Variants in MYO19 observed in about 807,000 individuals in gnomAD.
MYO19 encodes the protein unconventional myosin-XIX.
MYO19 carries 132 observed loss-of-function variants against 129.2 expected under a neutral mutation model. That is an observed-to-expected ratio of 1.02 (90% CI 0.89 to 1.18). The LOEUF is 1.18. MYO19 is among the 50% of genes most tolerant of loss of function. The probability of loss-of-function intolerance (pLI) is 0.00; values close to 1 mark genes in which losing one functional copy is unlikely to be tolerated. For missense variants in MYO19, 1,210 were observed against 1,216.7 expected (o/e 0.99, Z 0.08); for synonymous variants, 531 against 477.2 (o/e 1.11, Z -1.47).
intron 6 of MYO19, among the ~76,000 whole-genome samples, chr17:36,520,582 CCT>C (rs920327888): frequency 5.9e-5 from 9 of 152,112 alleles, no homozygotes; most frequent in African/African-American, 1.4e-4. Context: ...ACCTCTGCCA[CCT>C]CTGAGACAGC....
At chr17:36,530,447 G>A (rs2073761208) in intron 3 of MYO19, among the ~76,000 whole-genome samples, 1 of 145,060 alleles carries the variant, frequency 6.9e-6, no homozygotes, top group African/African-American at 2.5e-5. Context: ...TCTTCTAAAA[G>A]TGGCTTTTTT....
intron 10 of MYO19, 55 bp from the exon 11 acceptor site, chr17:36,513,560 G>A (rs542939950): frequency 6.2e-7 from 1 of 1,613,730 alleles, no homozygotes; most frequent in East Asian, 2.2e-5. Context: ...ATGCGAGGGA[G>A]GCAGGCTCTG....
At chr17:36,508,925 C>A in intron 14 of MYO19, 137 bp downstream of exon 14, 2 of 709,772 alleles carry the variant, frequency 2.8e-6, no homozygotes, top group Non-Finnish European at 2.5e-6. Context: ...TCTATGCTGG[C>A]AGGCAGATGC....
In MYO19 at chr17:36,498,557, G is replaced by C. The variant is rs1227027302; in HGVS notation, c.2466C>G (p.Ile822Met). 6.2e-7 allele frequency: 1 copy of C among 1,606,438 alleles called. No homozygotes were observed. The change falls in exon 25 of 26, where the codon ATC (isoleucine) becomes ATG (methionine). Residue 822 changes from isoleucine to methionine, a missense_variant and splice_region_variant. Physicochemically the swap from Ile to Met is conservative, Grantham distance 10. Transcript: ENST00000614623. The part of the protein sequence containing the change: ...VIKRAWQKWR[I>M]RMACLAAKEL... ...CTTTAGCAGCAAGGCAGGCCATTCT[G>C]ATCTTAAAAAGCAAATATCCCTTTA...
At position 36,503,996 on chromosome 17, in the gene MYO19, C is replaced by T; in HGVS notation, c.1930G>A (p.Gly644Ser). 6.3e-7 allele frequency: 1 copy of T among 1,583,354 alleles called. No individual in the cohort carries two copies. Among genetic ancestry groups the T allele is most frequent in the Non-Finnish European group, 8.6e-7 (1 of 1,166,798 alleles). ...CTGATATGGATGGTCTCCACGAGGC[C>T]ACAGGCCTCCAGCTGGCTCAGGACC... ...EEVLSQLEAC[G>S]LVETIHISAA... Residue 644 changes from glycine (G) to serine (S), a missense_variant, in exon 20 of 26, where the codon GGC becomes AGC. By Grantham distance (56) the Gly-to-Ser change is moderately conservative. Coordinates refer to ENST00000614623, the MANE Select transcript of MYO19 (RefSeq NM_001163735.2).
At chr17:36,526,619 G>A (rs1036648851) in intron 5 of MYO19, among the ~76,000 whole-genome samples, 1 of 152,158 alleles carries the variant, frequency 6.6e-6, no homozygotes, top group African/African-American at 2.4e-5. Context: ...GGACTCAGTG[G>A]CTCATGCCTA....
intron 17 of MYO19, 83 bp from the exon 18 acceptor site, chr17:36,506,691 G>A: frequency 6.9e-7 from 1 of 1,453,312 alleles, no homozygotes; most frequent in Non-Finnish European, 9.2e-7. Flanking sequence ...AGCCGCAGAT[G>A]ACGGGGCTTC....
chr17:36,539,890 T>C (rs1248883663), upstream of MYO19, among the ~76,000 whole-genome samples: 1 of 117,386 alleles, frequency 8.5e-6, no homozygotes, highest in Admixed American at 8.5e-5. Context: ...TCCCCACAGA[T>C]TTTTTTTTTT....
upstream of MYO19, among the ~76,000 whole-genome samples, chr17:36,536,315 A>C (rs976023383): frequency 2.6e-5 from 4 of 152,168 alleles, no homozygotes; most frequent in African/African-American, 9.7e-5. Context: ...AGAGGCTCTG[A>C]ACTGGAACCA....
At chr17:36,531,501 G>C (rs1379256576) in intron 3 of MYO19, among the ~76,000 whole-genome samples, 1 of 151,454 alleles carries the variant, frequency 6.6e-6, no homozygotes, top group Non-Finnish European at 1.5e-5. Context: ...GAATATCATA[G>C]GTTTTTTCCC....
Position 36,507,110 on chromosome 17 carries a change from T to TGCGCTGCTGGGTC in MYO19, c.1484_1496dup (p.Ala500ThrfsTer12), listed in dbSNP as rs1293289785. The TGCGCTGCTGGGTC allele has an allele frequency of 2.2e-5, 36 of 1,609,672 alleles. No homozygotes were observed. In the Admixed American group the frequency reaches 3.0e-4, roughly 13 times the overall value. On this transcript the variant is annotated frameshift_variant, in exon 17 of 26. Transcript: ENST00000614623. LOFTEE classifies it high-confidence loss of function. ...TCTCAATGCGTGTCTGGAGCTGGGCTGCGCTGCTGGGTCGATTGAGGCGGC... is the reference window on the plus strand; with the variant it reads ...TCTCAATGCGTGTCTGGAGCTGGGCTGCGCTGCTGGGTCGCGCTGCTGGGTCGATTGAGGCGGC...
At chr17:36,514,074 G>C (rs1464321813) in intron 9 of MYO19, among the ~76,000 whole-genome samples, 1 of 152,210 alleles carries the variant, frequency 6.6e-6, no homozygotes, top group Non-Finnish European at 1.5e-5. Flanking sequence ...TGCCTTGGGG[G>C]ACTCCCAGTC....
intron 6 of MYO19, among the ~76,000 whole-genome samples, chr17:36,522,508 C>CA (rs896818884): frequency 7.3e-5 from 10 of 137,910 alleles, no homozygotes; most frequent in Admixed American, 2.2e-4. Context: ...GAGACTTGGT[C>CA]AAAAAAAAGA....
In MYO19 at chr17:36,513,462, G is replaced by A; in HGVS notation, c.861C>T (p.Gly287=). 6.2e-7 allele frequency: 1 copy of A among 1,613,982 alleles called. No homozygotes were observed. Among genetic ancestry groups the A allele is most frequent in the Non-Finnish European group, 8.5e-7 (1 of 1,179,884 alleles). ...EVTREAMLHL[G]IDTPTQNNIF... is the part of the protein sequence containing the mutation. ...TGTTGTTCTGGGTAGGGGTGTCAAT[G>A]CCCAAATGGAGCATGGCCTCTCTGG... The change falls in exon 11 of 26, where the codon GGC becomes GGT. Residue 287 remains glycine (G), a synonymous_variant. Transcript: ENST00000614623.
rs2072906086 is a variant in MYO19 at position 36,518,494 on chromosome 17, A to G, written c.415-2504T>C. On this transcript the variant is annotated intron_variant, in intron 6 of 25. Coordinates refer to ENST00000614623, the MANE Select transcript of MYO19 (RefSeq NM_001163735.2). The stretch of plus-strand genomic sequence containing the variant: ...TGGGCCAGAGGATCTCAGAGGAAAA[A>G]AAAAAAAAAAAAAAAAAAAAAAAAA... Among the ~76,000 whole-genome samples the G allele has an allele frequency of 2.5e-3, 18 of 7,278 alleles. 1 individual carries two copies. Among genetic ancestry groups the G allele is most frequent in the African/African-American group, 7.7e-3 (16 of 2,090 alleles). 4.8% of individuals were successfully genotyped at this position (7,278 alleles called of 152,430 possible).
chr17:36,497,086 T>A (rs1403232580), intron 25 of MYO19, among the ~76,000 whole-genome samples: 1 of 151,882 alleles, frequency 6.6e-6, no homozygotes, highest in Admixed American at 6.6e-5. Context: ...TCCCAGCACT[T>A]TGGGAGGGCA....
intron 11 of MYO19, chr17:36,512,907 G>T: frequency 3.0e-6 from 3 of 999,958 alleles, no homozygotes; most frequent in Non-Finnish European, 2.6e-6. Flanking sequence ...GGACGACGGG[G>T]CACGGGTTGG....
In MYO19 at chr17:36,503,101, G is replaced by T. The variant is rs753175915; in HGVS notation, c.2076C>A (p.Leu692=). ...TAACTCATGGGTCCCACTCACCAGG[G>T]AGCCCTTTGGCAGGATATGGGCTGT... is the stretch of plus-strand genomic sequence containing the variant. ...GPDSPYPAKG[L]PEWCPHSEEA... Residue 692 remains leucine, a synonymous_variant, in exon 21 of 26, where the codon CTC becomes CTA. Coordinates refer to ENST00000614623, the MANE Select transcript of MYO19 (RefSeq NM_001163735.2). 7.4e-6 allele frequency: 12 copies of T among 1,613,044 alleles called. No homozygotes were observed. In the South Asian group the frequency reaches 1.3e-4, roughly 18 times the overall value.
upstream of MYO19, among the ~76,000 whole-genome samples, chr17:36,544,515 T>C (rs565550269): frequency 6.6e-6 from 1 of 152,350 alleles, no homozygotes; most frequent in East Asian, 1.9e-4. Flanking sequence ...AGGTCCTCTC[T>C]GGGCCTCTGC....
Sources: gnomAD v4.1 joint callset for allele counts (sites outside exome capture counted in the v4.1 genomes callset) on GRCh38, gnomAD v4.1.1 for gene constraint, MANE v1.5 for transcripts, NCBI Gene and HGNC (gene_info 2026-07-23, HGNC 2026-07-21) for gene names.